The following RAB38 variants were observed in gnomAD, a reference collection of about 807,000 sequenced individuals.
The protein encoded by RAB38 is RAB38, member RAS oncogene family, also known as ras-related protein Rab-38.
A neutral mutation model predicts 18.4 loss-of-function variants in RAB38; 15 were observed. That is an observed-to-expected ratio of 0.82 (90% CI 0.55 to 1.26). The LOEUF (loss-of-function observed/expected upper bound fraction) is 1.26, where lower values mean the gene tolerates loss of function less well. Among genes scored for constraint, RAB38 ranks in the 50% most tolerant of loss-of-function variants. The pLI is 0.00. For synonymous variants in RAB38, 101 were observed against 104.4 expected (o/e 0.97, Z 0.20); for missense variants, 294 against 267.4 (o/e 1.10, Z -0.69).
chr11:87,955,344 C>A, the RAB38 span, among the ~76,000 whole-genome samples: 2 of 152,096 alleles, frequency 1.3e-5, no homozygotes, highest in African/African-American at 4.8e-5. Context: ...AATAAGTCAA[C>A]AATGGACACT....
At chr11:87,851,008 C>A in the RAB38 span, among the ~76,000 whole-genome samples, 1 of 152,190 alleles carries the variant, frequency 6.6e-6, no homozygotes, top group Non-Finnish European at 1.5e-5. Context: ...CATGGTTATG[C>A]CAATTAGCTT....
At chr11:88,081,667 A>C in the RAB38 span, among the ~76,000 whole-genome samples, 1 of 151,904 alleles carries the variant, frequency 6.6e-6, no homozygotes, top group Non-Finnish European at 1.5e-5. Flanking sequence ...ATAGAAGGAC[A>C]TCCATCATTG....
intron 2 of RAB38, among the ~76,000 whole-genome samples, chr11:88,132,887 A>G (rs1323131215): frequency 6.6e-6 from 1 of 152,238 alleles, no homozygotes; most frequent in African/African-American, 2.4e-5. Flanking sequence ...AGTTATCAAT[A>G]GTTTAAATGC....
the RAB38 span, among the ~76,000 whole-genome samples, chr11:87,932,355 G>C: frequency 1.3e-5 from 2 of 152,060 alleles, no homozygotes; most frequent in South Asian, 4.1e-4. Context: ...TGAGGACAGA[G>C]TTTTGTGCCA....
chr11:87,915,508 C>A, the RAB38 span, among the ~76,000 whole-genome samples: 1 of 152,034 alleles, frequency 6.6e-6, no homozygotes, highest in Non-Finnish European at 1.5e-5. Flanking sequence ...AGTGCCATGA[C>A]AGTTTACAGA....
At chr11:87,880,791 T>C in the RAB38 span, among the ~76,000 whole-genome samples, 1 of 151,866 alleles carries the variant, frequency 6.6e-6, no homozygotes, top group African/African-American at 2.4e-5. Flanking sequence ...TTAATTCATT[T>C]ATTCATTTAT....
the RAB38 span, among the ~76,000 whole-genome samples, chr11:88,071,180 C>A: frequency 6.6e-6 from 1 of 151,760 alleles, no homozygotes; most frequent in Non-Finnish European, 1.5e-5. Context: ...GAGCAGGATA[C>A]CTTACCTGCT....
the RAB38 span, among the ~76,000 whole-genome samples, chr11:87,831,335 C>T: frequency 7.2e-5 from 11 of 152,138 alleles, no homozygotes; most frequent in African/African-American, 2.2e-4. Flanking sequence ...ATAGTTTATG[C>T]TTAGCCCCAT....
the RAB38 span, among the ~76,000 whole-genome samples, chr11:87,884,296 C>G: frequency 6.6e-6 from 1 of 151,916 alleles, no homozygotes; most frequent in Non-Finnish European, 1.5e-5. Flanking sequence ...AAGAAATGCT[C>G]CCTGAAGTAA....
the RAB38 span, among the ~76,000 whole-genome samples, chr11:87,899,506 T>C: frequency 6.6e-6 from 1 of 151,694 alleles, no homozygotes; most frequent in Admixed American, 6.6e-5. Context: ...AGCACATTTT[T>C]TGGCCATTGT....
At chr11:88,009,947 C>T in the RAB38 span, among the ~76,000 whole-genome samples, 1 of 151,996 alleles carries the variant, frequency 6.6e-6, no homozygotes, top group East Asian at 1.9e-4. Flanking sequence ...GAAATGAGAC[C>T]CAAATCTAAA....
the RAB38 span, among the ~76,000 whole-genome samples, chr11:87,976,142 A>G: frequency 5.4e-5 from 8 of 148,256 alleles, no homozygotes; most frequent in South Asian, 4.2e-4. Context: ...GTGTGTGTGT[A>G]TATATACATA....
chr11:88,143,460 C>G (rs895675581), intron 2 of RAB38, among the ~76,000 whole-genome samples: 3 of 152,188 alleles, frequency 2.0e-5, no homozygotes, highest in African/African-American at 7.2e-5. Flanking sequence ...ATGAGCACAG[C>G]TGAGTTCCAA....
chr11:87,881,613 A>G, the RAB38 span, among the ~76,000 whole-genome samples: 2 of 151,978 alleles, frequency 1.3e-5, no homozygotes, highest in East Asian at 2.0e-4. Context: ...TAAGCATAGG[A>G]CTGTAATGAC....
intron 1 of RAB38, among the ~76,000 whole-genome samples, chr11:88,163,660 T>C (rs1003355376): frequency 1.3e-5 from 2 of 152,176 alleles, no homozygotes; most frequent in African/African-American, 4.8e-5. Flanking sequence ...ATTGACTTTA[T>C]TGTTGTTCAT....
chr11:87,928,365 A>G, the RAB38 span, among the ~76,000 whole-genome samples: 5 of 152,078 alleles, frequency 3.3e-5, no homozygotes, highest in South Asian at 1.0e-3. Context: ...TGTTCTTAAA[A>G]TAAATGAAAA....
At chr11:87,919,558 T>A in the RAB38 span, among the ~76,000 whole-genome samples, 3 of 151,330 alleles carry the variant, frequency 2.0e-5, no homozygotes, top group Admixed American at 2.0e-4. Context: ...GGCCTGTAAT[T>A]TTTTTTTTCC....
At position 88,120,214 on chromosome 11, in the gene RAB38, G is replaced by A. The variant is rs574925544; in HGVS notation, c.484-6074C>T. Among the ~76,000 whole-genome samples the A allele has an allele frequency of 5.0e-4, 76 of 152,332 alleles. 1 individual carries two copies. Among genetic ancestry groups the A allele is most frequent in the African/African-American group, 1.8e-3 (76 of 41,582 alleles). On this transcript the variant is annotated intron_variant, in intron 2 of 2. Coordinates refer to ENST00000243662, the MANE Select transcript of RAB38 (RefSeq NM_022337.3). ...TCACCACAATAACTCTGAGATGGGA[G>A]CTACTGCCCTCCTTTAACAGATGAC...
chr11:88,017,385 G>A, the RAB38 span, among the ~76,000 whole-genome samples: 2,161 of 148,718 alleles, frequency 0.015, 60 homozygotes, highest in African/African-American at 0.052. Context: ...ACACACAAAC[G>A]CAAAGAGAGA....
Sources: allele counts gnomAD v4.1 joint callset (sites outside exome capture counted in the v4.1 genomes callset), GRCh38; gene constraint gnomAD v4.1.1; transcripts MANE v1.5; gene names NCBI Gene and HGNC (gene_info 2026-07-23, HGNC 2026-07-21).